SNX4: variants seen among roughly 807,000 people sequenced by gnomAD.
SNX4 encodes the protein sorting nexin 4, also known as sorting nexin-4.
Under a neutral mutation model 70.8 loss-of-function variants are expected in SNX4, and 49 were observed. That is an observed-to-expected ratio of 0.69 (90% CI 0.55 to 0.88). The LOEUF is 0.88. Among genes scored for constraint, SNX4 ranks in the 40% least tolerant of loss-of-function variants. The probability of loss-of-function intolerance (pLI) is 0.00; values close to 1 mark genes in which losing one functional copy is unlikely to be tolerated. For synonymous variants in SNX4, 206 were observed against 183.8 expected (o/e 1.12, Z -0.98); for missense variants, 528 against 544.8 (o/e 0.97, Z 0.31).
chr3:125,500,078 A>G (rs965179155), intron 2 of SNX4, among the ~76,000 whole-genome samples: 1 of 149,870 alleles, frequency 6.7e-6, no homozygotes, highest in Non-Finnish European at 1.5e-5. Flanking sequence ...ACAAACAAAC[A>G]CCAAAAAAAA....
At chr3:125,495,252 A>T (rs867726009) in intron 5 of SNX4, among the ~76,000 whole-genome samples, 4 of 37,830 alleles carry the variant, frequency 1.1e-4, no homozygotes, top group East Asian at 5.9e-4. Context: ...TTCTCTCTTT[A>T]TATATATATA....
At chr3:125,482,988 G>A (rs568484187) in intron 6 of SNX4, among the ~76,000 whole-genome samples, 1 of 152,138 alleles carries the variant, frequency 6.6e-6, no homozygotes, top group Non-Finnish European at 1.5e-5. Flanking sequence ...AACTAACATG[G>A]TGTTACTCTC....
At chr3:125,495,275 T>TATATATATATATATATATATACAC in intron 5 of SNX4, among the ~76,000 whole-genome samples, 32 of 83,042 alleles carry the variant, frequency 3.9e-4, no homozygotes, top group African/African-American at 1.1e-3. Flanking sequence ...TATATATATA[T>TATATATATATATATATATATACAC]ATACACATAC....
At chr3:125,514,281 A>G (rs1456916438) in intron 1 of SNX4, among the ~76,000 whole-genome samples, 1 of 152,206 alleles carries the variant, frequency 6.6e-6, no homozygotes, top group Non-Finnish European at 1.5e-5. Flanking sequence ...AGAGCTATTC[A>G]GAAAACATTA....
At chr3:125,455,515 A>C (rs1309887381) in intron 11 of SNX4, among the ~76,000 whole-genome samples, 1 of 152,328 alleles carries the variant, frequency 6.6e-6, no homozygotes, top group East Asian at 1.9e-4. Flanking sequence ...TCTGGAGTTT[A>C]CTGAAGAAAA....
intron 13 of SNX4, among the ~76,000 whole-genome samples, chr3:125,450,763 G>A (rs1202365761): frequency 6.6e-6 from 1 of 152,146 alleles, no homozygotes; most frequent in Non-Finnish European, 1.5e-5. Flanking sequence ...TACTTTATGA[G>A]GAAGCATATC....
intron 5 of SNX4, among the ~76,000 whole-genome samples, chr3:125,495,275 T>C (rs55955438): frequency 0.085 from 7,092 of 83,004 alleles, 1,019 homozygotes; most frequent in African/African-American, 0.23. Context: ...TATATATATA[T>C]ATACACATAC....
At chr3:125,461,757 G>A (rs1366275134) in intron 9 of SNX4, among the ~76,000 whole-genome samples, 1 of 151,940 alleles carries the variant, frequency 6.6e-6, no homozygotes. Flanking sequence ...TGCCTCCCGG[G>A]TTCACGCCAT....
intron 1 of SNX4, among the ~76,000 whole-genome samples, chr3:125,518,320 G>A (rs1935323223): frequency 6.6e-6 from 1 of 151,950 alleles, no homozygotes; most frequent in African/African-American, 2.4e-5. Context: ...AACTTAGCCA[G>A]GTGTGGTGGC....
At chr3:125,454,233 G>A (rs1002942142) in intron 11 of SNX4, among the ~76,000 whole-genome samples, 1 of 152,212 alleles carries the variant, frequency 6.6e-6, no homozygotes, top group African/African-American at 2.4e-5. Flanking sequence ...GAGCCACGGA[G>A]TGATACCAGT....
At chr3:125,458,441 T>TTA (rs2107528285) in intron 10 of SNX4, among the ~76,000 whole-genome samples, 1 of 152,270 alleles carries the variant, frequency 6.6e-6, no homozygotes, top group Non-Finnish European at 1.5e-5. Context: ...AGTGCTAGGA[T>TTA]TATATGCATG....
intron 2 of SNX4, among the ~76,000 whole-genome samples, chr3:125,501,012 T>C (rs1934920310): frequency 6.6e-6 from 1 of 152,030 alleles, no homozygotes. Flanking sequence ...TGACAGAAGT[T>C]GAATTTCTAG....
At chr3:125,497,534 C>T in intron 4 of SNX4, 146 bp from the exon 5 acceptor site, 2 of 634,382 alleles carry the variant, frequency 3.2e-6, no homozygotes, top group South Asian at 4.4e-5. Flanking sequence ...CAAAATTAAA[C>T]ATTCAATCCA....
At chr3:125,492,832 T>C (rs1934693563) in intron 5 of SNX4, among the ~76,000 whole-genome samples, 1 of 152,144 alleles carries the variant, frequency 6.6e-6, no homozygotes, top group Non-Finnish European at 1.5e-5. Flanking sequence ...TCAGAGTTCC[T>C]GTGCAATAAC....
At chr3:125,453,716 T>C in intron 12 of SNX4, 94 bp downstream of exon 12, 4 of 1,209,724 alleles carry the variant, frequency 3.3e-6, no homozygotes, top group Admixed American at 2.4e-5. Context: ...CCAATGAAGC[T>C]GGGAATTGTT....
chr3:125,467,773 AAC>A (rs2107535492), intron 9 of SNX4, among the ~76,000 whole-genome samples: 1 of 152,276 alleles, frequency 6.6e-6, no homozygotes, highest in Admixed American at 6.5e-5. Context: ...GAGAAAGAGG[AAC>A]ACACACTGCT....
At chr3:125,476,783 CT>C in intron 7 of SNX4, 27 bp from the exon 8 acceptor site, 1 of 1,432,484 alleles carries the variant, frequency 7.0e-7, no homozygotes, top group Non-Finnish European at 9.7e-7. Flanking sequence ...ATAGAAATTG[CT>C]TTTAGGTCAA....
intron 5 of SNX4, among the ~76,000 whole-genome samples, chr3:125,495,275 T>TATATATATATATATATATATACACAC: frequency 1.2e-5 from 1 of 83,046 alleles, no homozygotes; most frequent in African/African-American, 3.6e-5. Context: ...TATATATATA[T>TATATATATATATATATATATACACAC]ATACACATAC....
At chr3:125,451,182 A>T in intron 13 of SNX4, 123 bp downstream of exon 13, 2 of 491,732 alleles carry the variant, frequency 4.1e-6, no homozygotes, top group Non-Finnish European at 7.3e-6. Flanking sequence ...TAAAATAGAG[A>T]AATTGGTAAA....
Sources: allele counts gnomAD v4.1 joint callset (sites outside exome capture counted in the v4.1 genomes callset), GRCh38; gene constraint gnomAD v4.1.1; transcripts MANE v1.5; gene names NCBI Gene and HGNC (gene_info 2026-07-23, HGNC 2026-07-21).